The following WASL variants were observed in gnomAD, a reference collection of about 807,000 sequenced individuals.
WASL encodes WASP like actin nucleation promoting factor.
WASL carries 20 observed loss-of-function variants against 55.5 expected under a neutral mutation model. That is an observed-to-expected ratio of 0.36 (90% CI 0.25 to 0.52). The LOEUF is 0.52. Among genes scored for constraint, WASL ranks in the 20% least tolerant of loss-of-function variants. The probability of loss-of-function intolerance (pLI) is 0.92; values close to 1 mark genes in which losing one functional copy is unlikely to be tolerated. For synonymous variants in WASL, 249 were observed against 217.6 expected, an observed-to-expected ratio of 1.14 and a Z score of -1.27; for missense variants, 504 against 622.5, an observed-to-expected ratio of 0.81 and a Z score of 2.03.
At chr7:123,686,148 A>ATCT (rs1213683705) in intron 10 of WASL, among the ~76,000 whole-genome samples, 1 of 151,614 alleles carries the variant, frequency 6.6e-6, no homozygotes, top group Non-Finnish European at 1.5e-5. Flanking sequence ...AAGCAACATT[A>ATCT]TCTTCTCTTA....
chr7:123,717,096 GT>G (rs1358532717), intron 1 of WASL, among the ~76,000 whole-genome samples: 1 of 151,888 alleles, frequency 6.6e-6, no homozygotes, highest in Non-Finnish European at 1.5e-5. Flanking sequence ...CCCCCTTTTG[GT>G]TTGTTTTTTA....
At chr7:123,711,950 G>A (rs370576766) in intron 1 of WASL, among the ~76,000 whole-genome samples, 10 of 152,256 alleles carry the variant, frequency 6.6e-5, no homozygotes, top group African/African-American at 2.2e-4. Flanking sequence ...CTTCAGTACT[G>A]AGTAACTGTA....
chr7:123,713,679 T>C (rs1803795528), intron 1 of WASL, among the ~76,000 whole-genome samples: 1 of 152,172 alleles, frequency 6.6e-6, no homozygotes. Context: ...AAGCTAAGAT[T>C]TAAATACATT....
chr7:123,715,920 A>G (rs75192878), intron 1 of WASL, among the ~76,000 whole-genome samples: 3,008 of 152,320 alleles, frequency 0.02, 97 homozygotes, highest in African/African-American at 0.068. Flanking sequence ...TATACAGATA[A>G]AGGTGAGAGG....
chr7:123,688,915 A>T, intron 10 of WASL, 127 bp downstream of exon 10: 1 of 858,824 alleles, frequency 1.2e-6, no homozygotes. Context: ...GTAGTTACTC[A>T]ATTAGCAGAG....
chr7:123,685,585 A>G (rs1053426259), intron 10 of WASL, among the ~76,000 whole-genome samples: 1 of 152,044 alleles, frequency 6.6e-6, no homozygotes. Flanking sequence ...TACTTTCCTC[A>G]TATCACTTGC....
intron 10 of WASL, among the ~76,000 whole-genome samples, chr7:123,687,051 CCT>C (rs1414766020): frequency 6.6e-6 from 1 of 152,038 alleles, no homozygotes; most frequent in Non-Finnish European, 1.5e-5. Flanking sequence ...CCTAATCTTC[CCT>C]CTCAAACTTT....
intron 1 of WASL, among the ~76,000 whole-genome samples, chr7:123,724,754 T>G (rs994215343): frequency 3.9e-5 from 6 of 152,236 alleles, no homozygotes; most frequent in Non-Finnish European, 8.8e-5. Flanking sequence ...TCTGTGGTAT[T>G]GAAATTATTT....
At chr7:123,706,606 AT>A in intron 3 of WASL, 133 bp downstream of exon 3, 1 of 800,566 alleles carries the variant, frequency 1.2e-6, no homozygotes, top group Non-Finnish European at 2.0e-6. Flanking sequence ...ACTAATTTGA[AT>A]ATTTCATCTT....
At chr7:123,736,952 A>G (rs368178547) in intron 1 of WASL, among the ~76,000 whole-genome samples, 1 of 152,206 alleles carries the variant, frequency 6.6e-6, no homozygotes, top group East Asian at 1.9e-4. Context: ...ATCAAACTGT[A>G]TCATCATTAT....
intron 1 of WASL, among the ~76,000 whole-genome samples, chr7:123,738,906 A>AC (rs1320897621): frequency 5.9e-5 from 9 of 152,128 alleles, no homozygotes; most frequent in African/African-American, 2.2e-4. Context: ...GCAAAAAAAA[A>AC]ACCCAAAATC....
chr7:123,725,334 G>C (rs1341856948), intron 1 of WASL, among the ~76,000 whole-genome samples: 1 of 152,004 alleles, frequency 6.6e-6, no homozygotes, highest in Non-Finnish European at 1.5e-5. Context: ...TGAAAATACG[G>C]AACAGACTTT....
At chr7:123,742,426 C>A (rs952912514) in intron 1 of WASL, among the ~76,000 whole-genome samples, 6 of 152,144 alleles carry the variant, frequency 3.9e-5, no homozygotes, top group African/African-American at 7.2e-5. Context: ...CCCACAGTAA[C>A]CTCAATCTTG....
At position 123,737,466 on chromosome 7, in the gene WASL, C is replaced by T. The variant is rs149119035; in HGVS notation, c.117+11152G>A. 5.6e-3 allele frequency among the ~76,000 whole-genome samples: 853 copies of T among 151,962 alleles called. 8 individuals are homozygous for T. Among genetic ancestry groups the T allele is most frequent in the African/African-American group, 0.019 (770 of 41,442 alleles). On this transcript the variant is annotated intron_variant, in intron 1 of 10. Coordinates refer to ENST00000223023, the MANE Select transcript of WASL (RefSeq NM_003941.4). ...CAAAAGTTAGCTGGGCGTGGTGGTG[C>T]ATGCCTGTAGTTCCAGCTACTCAGG...
At chr7:123,733,290 A>G (rs1020158691) in intron 1 of WASL, among the ~76,000 whole-genome samples, 2 of 152,220 alleles carry the variant, frequency 1.3e-5, no homozygotes, top group African/African-American at 4.8e-5. Flanking sequence ...CTGGAAACCA[A>G]TAAGCCTTTA....
Position 123,704,632 on chromosome 7 carries a change from A to G in WASL, c.460+2T>C. 1 of 1,513,290 alleles carries G rather than the reference A, an allele frequency of 6.6e-7. No homozygotes were observed. Among genetic ancestry groups the G allele is most frequent in the Non-Finnish European group, 9.0e-7 (1 of 1,107,968 alleles). The allele number at this position is 1,513,290 out of a possible 1,614,324, so 93.7% of individuals were successfully genotyped here. On this transcript the variant is annotated splice_donor_variant, in intron 5 of 10. Coordinates refer to ENST00000223023, the MANE Select transcript of WASL (RefSeq NM_003941.4). LOFTEE classifies it high-confidence loss of function. The stretch of plus-strand genomic sequence containing the variant: ...AAGATTAATAATTGTCAAAAAGCTT[A>G]CCATTTGGGGGATCTCGTCTTTTCT...
intron 1 of WASL, among the ~76,000 whole-genome samples, chr7:123,742,104 C>A (rs1804352424): frequency 6.6e-6 from 1 of 152,178 alleles, no homozygotes; most frequent in East Asian, 1.9e-4. Context: ...AGACACTGTT[C>A]AAAAGGCCCA....
chr7:123,692,713 A>G lies in WASL; in HGVS notation c.981T>C (p.Pro327=). 1 of 1,517,534 alleles carries G rather than the reference A, an allele frequency of 6.6e-7. No individual in the cohort carries two copies. The highest frequency in any genetic ancestry group is 8.8e-7 in the Non-Finnish European group (1 of 1,135,488). The allele number at this position is 1,517,534 out of a possible 1,614,324, so 94.0% of individuals were successfully genotyped here. A position where few individuals can be genotyped will look rare whatever the true frequency, so the allele number is the denominator to read the frequency against. ...GAGGGACTGCTACACTTGGCCTGGA[A>G]GGAGGCGGTGGTGGAGGTGCAGCTG... The part of the protein sequence containing the change: ...APTAAPPPPP[P]SRPSVAVPPP... Residue 327 remains proline, a synonymous_variant, in exon 9 of 11, where the codon CCT becomes CCC. Coordinates refer to ENST00000223023, the MANE Select transcript of WASL (RefSeq NM_003941.4).
chr7:123,703,687 T>C (rs1349616370), intron 5 of WASL, among the ~76,000 whole-genome samples: 3 of 152,066 alleles, frequency 2.0e-5, no homozygotes, highest in African/African-American at 7.2e-5. Context: ...AAGGACAAAA[T>C]CAAAAGGCAA....
Sources: allele counts gnomAD v4.1 joint callset (sites outside exome capture counted in the v4.1 genomes callset), GRCh38; gene constraint gnomAD v4.1.1; transcripts MANE v1.5; gene names NCBI Gene and HGNC (gene_info 2026-07-23, HGNC 2026-07-21).